PARD3B: variants seen among roughly 807,000 people sequenced by gnomAD.
PARD3B encodes par-3 family cell polarity regulator beta, also known as partitioning defective 3 homolog B.
A neutral mutation model predicts 130.2 loss-of-function variants in PARD3B; 103 were observed. The ratio of observed to expected loss-of-function variants is 0.79; its 90% CI spans 0.67 to 0.93. PARD3B has a LOEUF of 0.93. Among genes scored for constraint, PARD3B ranks in the 40% least tolerant of loss-of-function variants. PARD3B has a pLI of 0.00. For missense variants in PARD3B, 1,609 were observed against 1,499.2 expected (o/e 1.07, Z -1.21); for synonymous variants, 583 against 553.2 (o/e 1.05, Z -0.76).
At chr2:204,818,528 G>A (rs2043221925) in intron 2 of PARD3B, among the ~76,000 whole-genome samples, 1 of 152,252 alleles carries the variant, frequency 6.6e-6, no homozygotes, top group Admixed American at 6.5e-5. Flanking sequence ...TCGTCATACA[G>A]TAATTACAAT....
At chr2:204,609,726 G>A (rs1361147759) in intron 1 of PARD3B, among the ~76,000 whole-genome samples, 1 of 151,770 alleles carries the variant, frequency 6.6e-6, no homozygotes, top group East Asian at 1.9e-4. Context: ...ATCCTTCAGA[G>A]AGAATAGATG....
intron 21 of PARD3B, among the ~76,000 whole-genome samples, chr2:205,515,560 C>T (rs1263967311): frequency 2.0e-5 from 3 of 151,220 alleles, no homozygotes; most frequent in Admixed American, 6.6e-5. Context: ...GATGGTATCG[C>T]GATATTGAGT....
At chr2:205,143,634 G>A (rs776727109) in intron 10 of PARD3B, among the ~76,000 whole-genome samples, 55 of 152,142 alleles carry the variant, frequency 3.6e-4, no homozygotes, top group Non-Finnish European at 6.5e-4. Context: ...GATGAATACT[G>A]AGGAAGAGTA....
intron 19 of PARD3B, among the ~76,000 whole-genome samples, chr2:205,423,086 G>GTCA (rs1159048373): frequency 3.3e-5 from 5 of 152,198 alleles, no homozygotes; most frequent in Non-Finnish European, 1.5e-5. Context: ...ATTCCTGGTA[G>GTCA]TCATCTTGTG....
chr2:204,867,256 T>TAAAAC (rs755862361), intron 2 of PARD3B, among the ~76,000 whole-genome samples: 7 of 152,116 alleles, frequency 4.6e-5, no homozygotes, highest in African/African-American at 1.7e-4. Flanking sequence ...GATTTAGGCA[T>TAAAAC]AAAACAAAAC....
At chr2:205,357,412 A>C (rs12470079) in intron 18 of PARD3B, among the ~76,000 whole-genome samples, 9 of 151,990 alleles carry the variant, frequency 5.9e-5, no homozygotes, top group Admixed American at 4.6e-4. Flanking sequence ...CTGGCTTAGA[A>C]ACATTAAGAA....
chr2:205,032,030 T>C (rs1697464327), intron 3 of PARD3B, among the ~76,000 whole-genome samples: 1 of 152,198 alleles, frequency 6.6e-6, no homozygotes. Context: ...AAAATGTTTT[T>C]CCCTTGAAAG....
chr2:205,449,646 A>G (rs964000521), intron 20 of PARD3B, among the ~76,000 whole-genome samples: 6 of 152,192 alleles, frequency 3.9e-5, no homozygotes, highest in African/African-American at 1.4e-4. Context: ...GGCACTTAGT[A>G]TTTGCTTACT....
intron 20 of PARD3B, among the ~76,000 whole-genome samples, chr2:205,471,208 A>T (rs770291092): frequency 6.6e-6 from 1 of 152,150 alleles, no homozygotes; most frequent in African/African-American, 2.4e-5. Context: ...CACATGGCTT[A>T]ACATCTTCCA....
chr2:204,798,291 C>A (rs949078336), intron 2 of PARD3B, among the ~76,000 whole-genome samples: 3 of 152,126 alleles, frequency 2.0e-5, no homozygotes, highest in Non-Finnish European at 4.4e-5. Context: ...TCAGTGCTGC[C>A]TGTCACAGCA....
rs539732162 is a variant in PARD3B, at chr2:204,965,558, G to T, written c.394+235G>T. ...GAATTGTATGCCCTCGAAGTAACAC[G>T]GGGGAGTCAGATGCTAAATGATGAA... On this transcript the variant is annotated intron_variant, in intron 3 of 22. Transcript: ENST00000406610. Among the ~76,000 whole-genome samples, 4 of 152,210 alleles carry T rather than the reference G, an allele frequency of 2.6e-5. No individual in the cohort carries two copies. The East Asian group carries it at 7.7e-4, about 29-fold the overall frequency.
chr2:205,467,377 A>G (rs2048664594), intron 20 of PARD3B, among the ~76,000 whole-genome samples: 1 of 152,192 alleles, frequency 6.6e-6, no homozygotes, highest in South Asian at 2.1e-4. Flanking sequence ...CTAGAACAGA[A>G]GCACCACCCA....
intron 16 of PARD3B, among the ~76,000 whole-genome samples, chr2:205,267,232 T>G (rs991322318): frequency 6.6e-6 from 1 of 152,190 alleles, no homozygotes; most frequent in Non-Finnish European, 1.5e-5. Context: ...CTTTTAACAT[T>G]TATATGCTCT....
chr2:205,393,406 T>C (rs1415925234), intron 18 of PARD3B, among the ~76,000 whole-genome samples: 1 of 152,172 alleles, frequency 6.6e-6, no homozygotes, highest in African/African-American at 2.4e-5. Flanking sequence ...ACTGTGAAGT[T>C]TGTAGGTTTT....
intron 2 of PARD3B, among the ~76,000 whole-genome samples, chr2:204,932,386 C>T (rs1688096867): frequency 6.6e-6 from 1 of 152,012 alleles, no homozygotes; most frequent in African/African-American, 2.4e-5. Context: ...GTAAATTCTC[C>T]TTTAAATAAT....
intron 10 of PARD3B, among the ~76,000 whole-genome samples, chr2:205,133,726 G>C (rs115831069): frequency 0.012 from 1,875 of 152,250 alleles, 39 homozygotes; most frequent in African/African-American, 0.043. Flanking sequence ...TTTGGCAAAG[G>C]GCCAGTGCTG....
At chr2:204,732,199 T>C (rs1191857005) in intron 2 of PARD3B, among the ~76,000 whole-genome samples, 1 of 151,854 alleles carries the variant, frequency 6.6e-6, no homozygotes, top group Non-Finnish European at 1.5e-5. Flanking sequence ...CCACAAGCAG[T>C]TGTACAAAGA....
intron 2 of PARD3B, among the ~76,000 whole-genome samples, chr2:204,837,514 G>A (rs1000225134): frequency 6.6e-6 from 1 of 151,006 alleles, no homozygotes; most frequent in Non-Finnish European, 1.5e-5. Context: ...TCCTCCTCCC[G>A]GGTTCAAGCA....
intron 2 of PARD3B, among the ~76,000 whole-genome samples, chr2:204,835,346 C>T (rs79432518): frequency 0.017 from 2,585 of 152,302 alleles, 75 homozygotes; most frequent in African/African-American, 0.057. Flanking sequence ...TGAGATATCA[C>T]TGAAGCATTT....
Sources: allele counts gnomAD v4.1 joint callset (sites outside exome capture counted in the v4.1 genomes callset), GRCh38; gene constraint gnomAD v4.1.1; transcripts MANE v1.5; gene names NCBI Gene and HGNC (gene_info 2026-07-23, HGNC 2026-07-21).